The following SGK3 variants were observed in gnomAD, a reference collection of about 807,000 sequenced individuals.
The protein encoded by SGK3 is serum/glucocorticoid regulated kinase family member 3.
SGK3 carries 47 observed loss-of-function variants against 68.5 expected under a neutral mutation model. The observed-to-expected ratio is 0.69, with a 90% CI of 0.54 to 0.87. The LOEUF is 0.87. Among genes scored for constraint, SGK3 ranks in the 40% least tolerant of loss-of-function variants. The pLI is 0.00. For synonymous variants in SGK3, 181 were observed against 189.1 expected, an observed-to-expected ratio of 0.96 and a Z score of 0.35; for missense variants, 479 against 575.5, an observed-to-expected ratio of 0.83 and a Z score of 1.72.
chr8:66,748,094 G>A (rs537864429), intron 1 of SGK3, among the ~76,000 whole-genome samples: 77 of 152,210 alleles, frequency 5.1e-4, no homozygotes, highest in African/African-American at 1.8e-3. Flanking sequence ...TCAGCACCAG[G>A]CTCAGCTCTT....
chr8:66,732,849 T>C (rs1805207632), intron 1 of SGK3, among the ~76,000 whole-genome samples: 2 of 148,180 alleles, frequency 1.3e-5, no homozygotes, highest in Non-Finnish European at 2.9e-5. Context: ...ACCACATAAA[T>C]TTTATTAAAA....
At chr8:66,822,984 G>A (rs1345489593) in intron 6 of SGK3, among the ~76,000 whole-genome samples, 1 of 151,934 alleles carries the variant, frequency 6.6e-6, no homozygotes, top group Non-Finnish European at 1.5e-5. Flanking sequence ...AGTAATATAG[G>A]TTAATCAGAC....
At chr8:66,846,442 G>A (rs1306570392) in intron 14 of SGK3, among the ~76,000 whole-genome samples, 1 of 152,140 alleles carries the variant, frequency 6.6e-6, no homozygotes, top group African/African-American at 2.4e-5. Context: ...AGTCTCCTGA[G>A]TAGATGAGAC....
intron 14 of SGK3, among the ~76,000 whole-genome samples, chr8:66,846,617 A>G (rs1810031353): frequency 6.6e-6 from 1 of 152,022 alleles, no homozygotes; most frequent in Non-Finnish European, 1.5e-5. Context: ...CCTGGTCTTT[A>G]TTTTTACTTT....
intron 16 of SGK3, among the ~76,000 whole-genome samples, chr8:66,857,839 G>GTGTA (rs1810586046): frequency 6.7e-6 from 1 of 148,196 alleles, no homozygotes; most frequent in African/African-American, 2.6e-5. Context: ...GTGTGTGTGT[G>GTGTA]TGTAGGAAAG....
intron 1 of SGK3, among the ~76,000 whole-genome samples, chr8:66,758,308 C>T (rs60017659): frequency 0.021 from 3,157 of 152,060 alleles, 112 homozygotes; most frequent in African/African-American, 0.071. Flanking sequence ...GAGCCGAGAT[C>T]GCGCCATTGC....
intron 2 of SGK3, among the ~76,000 whole-genome samples, chr8:66,794,147 G>GA (rs1484729882): frequency 1.3e-5 from 2 of 152,104 alleles, no homozygotes; most frequent in Admixed American, 1.3e-4. Flanking sequence ...GCACTGTCAG[G>GA]AATTAATGGA....
Position 66,857,945 on chromosome 8 carries a change from C to T in SGK3, c.1321-1466C>T, listed in dbSNP as rs1450818933. On this transcript the variant is annotated intron_variant, in intron 16 of 16. Transcript: ENST00000521198. ...CATGCTTAATTTTCATATCAGGACT[C>T]GGAAGCCCTCCAGAGCTAAGGGTGC... 4.6e-5 allele frequency among the ~76,000 whole-genome samples: 7 copies of T among 151,950 alleles called. No homozygotes were observed. The South Asian group carries it at 1.0e-3, about 23-fold the overall frequency.
chr8:66,826,521 C>T (rs1187227747), intron 6 of SGK3, among the ~76,000 whole-genome samples: 4 of 151,946 alleles, frequency 2.6e-5, no homozygotes, highest in East Asian at 1.9e-4. Flanking sequence ...AAAACTATGC[C>T]GCAACAGGAC....
intron 1 of SGK3, among the ~76,000 whole-genome samples, chr8:66,782,795 T>C (rs1195684739): frequency 6.6e-6 from 1 of 152,248 alleles, no homozygotes; most frequent in Non-Finnish European, 1.5e-5. Context: ...CCATGTCTTG[T>C]TATGGCTGGA....
chr8:66,731,131 A>T (rs1056016885), intron 1 of SGK3, among the ~76,000 whole-genome samples: 1 of 152,212 alleles, frequency 6.6e-6, no homozygotes, highest in African/African-American at 2.4e-5. Flanking sequence ...TTGTCAGAGA[A>T]CACACTTTGT....
At chr8:66,805,536 AAGAG>A (rs1808123671) in intron 4 of SGK3, among the ~76,000 whole-genome samples, 1 of 151,704 alleles carries the variant, frequency 6.6e-6, no homozygotes, top group South Asian at 2.1e-4. Flanking sequence ...AAAAAAAAAA[AAGAG>A]AGAGGGACAT....
intron 13 of SGK3, among the ~76,000 whole-genome samples, chr8:66,841,992 A>G (rs1809815958): frequency 6.6e-6 from 1 of 152,170 alleles, no homozygotes; most frequent in South Asian, 2.1e-4. Flanking sequence ...ACAATGTTGA[A>G]AACGTGTGAG....
At chr8:66,731,963 A>G (rs113969698) in intron 1 of SGK3, among the ~76,000 whole-genome samples, 3,431 of 152,276 alleles carry the variant, frequency 0.023, 76 homozygotes, top group South Asian at 0.053. Context: ...ATTGCCACCC[A>G]TCTCAAACTA....
In SGK3 at chr8:66,798,620, AAC is replaced by A. The variant is rs1179079282; in HGVS notation, c.178_179del (p.Thr60PhefsTer20). The A allele has an allele frequency of 1.2e-6, 2 of 1,605,034 alleles. No homozygotes were observed. The highest frequency in any genetic ancestry group is 1.7e-6 in the Non-Finnish European group (2 of 1,176,002). On this transcript the variant is annotated frameshift_variant, in exon 3 of 17. Transcript: ENST00000521198. LOFTEE classifies it high-confidence loss of function. ...ATATGCAGAGTTTGATAAACTTTAT[AAC>A]ACTGTAAGTAATCGTCTACAAGATT... Reference protein sequence around the residue: ...RRYAEFDKLYNTLKKQFPAMA... With the variant: ...RRYAEFDKLYXTLKKQFPAMA...
At position 66,861,938 on chromosome 8, in the gene SGK3, AC is replaced by A. The variant is rs1810756176; in HGVS notation, c.*2358del. On this transcript the variant is annotated 3_prime_UTR_variant, in exon 17 of 17. Transcript: ENST00000521198. ...AGTGCAATATTGTATATTTTTAAGA[AC>A]AAATTTAAAATAGAATTTTGATGTT... The A allele has an allele frequency of 6.6e-6, 1 of 152,196 alleles. No homozygotes were observed. Among genetic ancestry groups the A allele is most frequent in the East Asian group, 1.9e-4 (1 of 5,204 alleles). The allele number at this position is 152,196 out of a possible 1,614,324, so 9.4% of individuals were successfully genotyped here. A position where few individuals can be genotyped will look rare whatever the true frequency, so the allele number is the denominator to read the frequency against.
chr8:66,723,853 T>C (rs1804896578), intron 1 of SGK3, among the ~76,000 whole-genome samples: 1 of 152,244 alleles, frequency 6.6e-6, no homozygotes, highest in African/African-American at 2.4e-5. Flanking sequence ...CTCTCATTTC[T>C]AATTGATCTC....
At chr8:66,718,591 C>T (rs1229403867) in intron 1 of SGK3, among the ~76,000 whole-genome samples, 5 of 151,580 alleles carry the variant, frequency 3.3e-5, no homozygotes, top group East Asian at 1.9e-4. Context: ...TGCAGTGGCA[C>T]GATTTTGGCT....
intron 2 of SGK3, among the ~76,000 whole-genome samples, chr8:66,796,327 T>TG (rs1330232033): frequency 2.9e-5 from 3 of 102,608 alleles, no homozygotes; most frequent in Admixed American, 9.4e-5. Flanking sequence ...TTGTATTTTT[T>TG]TTTTTTTTTT....
Sources: allele counts gnomAD v4.1 joint callset (sites outside exome capture counted in the v4.1 genomes callset), GRCh38; gene constraint gnomAD v4.1.1; transcripts MANE v1.5; gene names NCBI Gene and HGNC (gene_info 2026-07-23, HGNC 2026-07-21).